HTR2C: variants seen among roughly 807,000 people sequenced by gnomAD.
HTR2C encodes 5-hydroxytryptamine receptor 2C, also known as 5-hydroxytryptamine (serotonin) receptor 2C, G protein-coupled.
In HTR2C, 5 loss-of-function variants were observed where a neutral mutation model predicts 21.0. That is an observed-to-expected ratio of 0.24 (90% CI 0.12 to 0.50). The LOEUF (loss-of-function observed/expected upper bound fraction) is 0.50, where lower values mean the gene tolerates loss of function less well. HTR2C is among the 20% of genes least tolerant of loss of function. The pLI, the probability that HTR2C is intolerant of heterozygous loss-of-function variation, is 0.98. For missense variants in HTR2C, 271 were observed against 371.2 expected (o/e 0.73, Z 2.22); for synonymous variants, 150 against 145.3 (o/e 1.03, Z -0.23).
chrX:114,799,886 G>A, intron 4 of HTR2C, among the ~76,000 whole-genome samples: 1 of 111,049 alleles, frequency 9.0e-6, no homozygotes, highest in East Asian at 2.8e-4. Flanking sequence ...TGCTAAACTA[G>A]AGGTATACAC....
At chrX:114,749,135 A>AAC (rs1170167849) in intron 4 of HTR2C, among the ~76,000 whole-genome samples, 6 of 109,017 alleles carry the variant, frequency 5.5e-5, no homozygotes, top group African/African-American at 2.0e-4. Flanking sequence ...TCAAAAAAAA[A>AAC]CCACACAAAA....
chrX:114,860,603 C>A (rs964396167), intron 5 of HTR2C, among the ~76,000 whole-genome samples: 4 of 55,136 alleles, frequency 7.3e-5, no homozygotes, highest in Non-Finnish European at 1.2e-4. Context: ...TAGTTTACAT[C>A]TATTAATTTT....
In HTR2C at chrX:114,689,208, G is replaced by GTATATATATATATATATATA. The variant is rs58916694; in HGVS notation, c.-79-37646_-79-37627dup. On this transcript the variant is annotated intron_variant, in intron 2 of 5. Coordinates refer to ENST00000276198, the MANE Select transcript of HTR2C (RefSeq NM_000868.4). ...GAGTAGTATTCCATGGTATGTATGC[G>GTATATATATATATATATATA]TATATATATATATATATATATATCA... Among the ~76,000 whole-genome samples the GTATATATATATATATATATA allele has an allele frequency of 4.8e-3, 350 of 72,576 alleles. 5 individuals carry two copies. Among genetic ancestry groups the GTATATATATATATATATATA allele is most frequent in the South Asian group, 0.011 (14 of 1,229 alleles). The allele number at this position is 72,576 out of a possible 115,157, so 63.0% of individuals were successfully genotyped here.
chrX:114,731,397 A>G lies in HTR2C; in HGVS notation c.139A>G (p.Lys47Glu), dbSNP rs782725427. Residue 47 changes from lysine (K) to glutamate (E), a missense_variant, in exon 4 of 6, where the codon AAA (lysine) becomes GAA (glutamate). Lys to Glu is a moderately conservative substitution (Grantham distance 56). Transcript: ENST00000276198. ...CAATACCTCCGATGGTGGACGCTTCAAATTCCCAGACGGGGTACAAAACTG... is the reference window on the plus strand; with the variant it reads ...CAATACCTCCGATGGTGGACGCTTCGAATTCCCAGACGGGGTACAAAACTG... ...IFNTSDGGRF[K>E]FPDGVQNWPA... is the part of the protein sequence containing the mutation. The G allele has an allele frequency of 4.1e-6, 5 of 1,209,176 alleles. No homozygotes were observed. In the South Asian group the frequency reaches 8.8e-5, roughly 21 times the overall value.
chrX:114,727,098 C>A, intron 3 of HTR2C, 127 bp downstream of exon 3: 1 of 394,598 alleles, frequency 2.5e-6, no homozygotes, highest in East Asian at 4.9e-5. Flanking sequence ...TGGCTTGCTT[C>A]CCAAAAGACT....
In HTR2C at chrX:114,726,956, CGGT is replaced by C. The variant is rs2069486491; in HGVS notation, c.22_24del (p.Val8del). ...GCAATCATGGTGAACCTGAGGAATG[CGGT>C]GCATTCATTCCTGTAAGGATGTTAC... is the stretch of plus-strand genomic sequence containing the variant. On this transcript the variant is annotated inframe_deletion, in exon 3 of 6. Transcript: ENST00000276198. 1 of 1,113,038 alleles carries C rather than the reference CGGT, an allele frequency of 9.0e-7. No homozygotes were observed. Among genetic ancestry groups the C allele is most frequent in the Non-Finnish European group, 1.2e-6 (1 of 839,699 alleles). 91.7% of individuals were successfully genotyped at this position (1,113,038 alleles called of 1,213,427 possible).
At chrX:114,636,498 A>G (rs1929850390) in intron 2 of HTR2C, among the ~76,000 whole-genome samples, 2 of 112,190 alleles carry the variant, frequency 1.8e-5, no homozygotes, top group African/African-American at 6.5e-5. Flanking sequence ...GTACTTGAAA[A>G]TTGTGGCATG....
intron 5 of HTR2C, among the ~76,000 whole-genome samples, chrX:114,876,888 A>G (rs2071142677): frequency 9.0e-6 from 1 of 110,982 alleles, no homozygotes; most frequent in Non-Finnish European, 1.9e-5. Flanking sequence ...CTCATCAAAG[A>G]TATTGGCCTG....
intron 5 of HTR2C, among the ~76,000 whole-genome samples, chrX:114,863,476 G>A (rs1342473729): frequency 9.0e-6 from 1 of 110,926 alleles, no homozygotes; most frequent in African/African-American, 3.3e-5. Context: ...TTCTCGTTTC[G>A]TGTTATTGTA....
In HTR2C at chrX:114,908,116, A is replaced by G. The variant is rs936394473; in HGVS notation, c.*701A>G. 1 of 112,540 alleles carries G rather than the reference A, an allele frequency of 8.9e-6. No individual in the cohort carries two copies. Among genetic ancestry groups the G allele is most frequent in the African/African-American group, 3.2e-5 (1 of 30,929 alleles). 9.3% of individuals were successfully genotyped at this position (112,540 alleles called of 1,213,427 possible). ...AGGATAATGAGATGTAATACACCAA[A>G]TAGCTTTTCACTTCTTAAGGACAGT... On this transcript the variant is annotated 3_prime_UTR_variant, in exon 6 of 6. Coordinates refer to ENST00000276198, the MANE Select transcript of HTR2C (RefSeq NM_000868.4).
intron 5 of HTR2C, among the ~76,000 whole-genome samples, chrX:114,874,670 G>A (rs1170830118): frequency 1.8e-5 from 2 of 110,212 alleles, no homozygotes; most frequent in South Asian, 3.9e-4. Flanking sequence ...CACCATGCCC[G>A]GCTAATTTTT....
intron 2 of HTR2C, among the ~76,000 whole-genome samples, chrX:114,646,645 A>C (rs1212530465): frequency 2.7e-5 from 3 of 111,233 alleles, no homozygotes; most frequent in African/African-American, 9.8e-5. Flanking sequence ...GTGTCTCTTC[A>C]CTCTGTTAAT....
chrX:114,594,044 CT>C (rs1287947799), intron 1 of HTR2C, among the ~76,000 whole-genome samples: 1 of 111,322 alleles, frequency 9.0e-6, no homozygotes, highest in Admixed American at 9.6e-5. Context: ...TTCTTTTTGT[CT>C]TTTGTTATTT....
chrX:114,638,233 G>A (rs978752316), intron 2 of HTR2C, among the ~76,000 whole-genome samples: 1 of 111,633 alleles, frequency 9.0e-6, no homozygotes, highest in South Asian at 3.7e-4. Context: ...AATTGAGAGC[G>A]AGCAACAAAA....
chrX:114,604,513 G>C (rs993669533), intron 1 of HTR2C, among the ~76,000 whole-genome samples: 39 of 110,074 alleles, frequency 3.5e-4, no homozygotes, highest in Non-Finnish European at 5.9e-4. Context: ...CCGAAGCTCG[G>C]CATCTGTGAT....
In HTR2C at chrX:114,668,627, A is replaced by G. The variant is rs782625808; in HGVS notation, c.-80+54746A>G. On this transcript the variant is annotated intron_variant, in intron 2 of 5. Transcript: ENST00000276198. ...GTATGTGCCCCAATAAGTAAACTCT[A>G]CTCCATATATTATCCTCTTGCATAT... Among the ~76,000 whole-genome samples, 7 of 111,171 alleles carry G rather than the reference A, an allele frequency of 6.3e-5. No individual in the cohort carries two copies. In the South Asian group the frequency reaches 2.3e-3, roughly 36 times the overall value.
chrX:114,608,045 A>G (rs1928546890), intron 1 of HTR2C, among the ~76,000 whole-genome samples: 1 of 111,722 alleles, frequency 9.0e-6, no homozygotes, highest in African/African-American at 3.3e-5. Context: ...TTACACTTTT[A>G]TTATGTAAAA....
intron 5 of HTR2C, among the ~76,000 whole-genome samples, chrX:114,896,032 A>C (rs1373033928): frequency 9.1e-6 from 1 of 110,252 alleles, no homozygotes; most frequent in African/African-American, 3.3e-5. Flanking sequence ...TGCCCTACCC[A>C]CAAATTTTGT....
At chrX:114,834,334 C>G (rs1476456160) in intron 4 of HTR2C, among the ~76,000 whole-genome samples, 1 of 104,645 alleles carries the variant, frequency 9.6e-6, no homozygotes, top group Non-Finnish European at 2.0e-5. Context: ...GTGTGGGAGT[C>G]TAAGTCTCTT....
Sources: allele counts gnomAD v4.1 joint callset (sites outside exome capture counted in the v4.1 genomes callset), GRCh38; gene constraint gnomAD v4.1.1; transcripts MANE v1.5; gene names NCBI Gene and HGNC (gene_info 2026-07-23, HGNC 2026-07-21).